The following ESRRG variants were observed in gnomAD, a reference collection of about 807,000 sequenced individuals.
ESRRG encodes estrogen-related receptor gamma.
ESRRG carries 13 observed loss-of-function variants against 44.0 expected under a neutral mutation model. That is an observed-to-expected ratio of 0.30 (90% CI 0.19 to 0.47). ESRRG has a LOEUF of 0.47. Among genes scored for constraint, ESRRG ranks in the 20% least tolerant of loss-of-function variants. The probability of loss-of-function intolerance (pLI) is 1.00; values close to 1 mark genes in which losing one functional copy is unlikely to be tolerated. For missense variants in ESRRG, 395 were observed against 580.6 expected, an observed-to-expected ratio of 0.68 and a Z score of 3.29; for synonymous variants, 215 against 214.6, an observed-to-expected ratio of 1.00 and a Z score of -0.02.
chr1:216,816,246 A>G (rs1314172818), intron 2 of ESRRG, among the ~76,000 whole-genome samples: 1 of 152,220 alleles, frequency 6.6e-6, no homozygotes. Context: ...ATGGGTGTTC[A>G]TTACAAACCG....
At chr1:216,697,375 T>C (rs193180705) in intron 1 of ESRRG, among the ~76,000 whole-genome samples, 228 of 152,350 alleles carry the variant, frequency 1.5e-3, no homozygotes, top group Middle Eastern at 3.4e-3. Context: ...ATTCAATTTG[T>C]GAGATTTGTT....
At chr1:216,632,643 A>T (rs12131827) in intron 3 of ESRRG, among the ~76,000 whole-genome samples, 29,907 of 152,064 alleles carry the variant, frequency 0.2, 3,754 homozygotes, top group Non-Finnish European at 0.29. Flanking sequence ...CAAAATAGAG[A>T]TTTTTGTAAA....
chr1:216,984,047 ATGG>A (rs1420653104), intron 1 of ESRRG, among the ~76,000 whole-genome samples: 64 of 133,970 alleles, frequency 4.8e-4, no homozygotes, highest in African/African-American at 1.2e-3. Flanking sequence ...GATAATAAGA[ATGG>A]GGGGGGGTAT....
At chr1:217,010,010 T>G (rs550845213) in intron 1 of ESRRG, among the ~76,000 whole-genome samples, 1 of 152,204 alleles carries the variant, frequency 6.6e-6, no homozygotes, top group East Asian at 1.9e-4. Flanking sequence ...GGCCTGAGTA[T>G]AGTTTTCAAA....
intron 5 of ESRRG, among the ~76,000 whole-genome samples, chr1:216,523,040 C>T (rs1172451248): frequency 6.6e-6 from 1 of 152,130 alleles, no homozygotes; most frequent in Admixed American, 6.6e-5. Context: ...ATGTTTTGTA[C>T]ATCCTGGGAC....
chr1:217,132,070 A>G (rs1009476679), intron 1 of ESRRG, among the ~76,000 whole-genome samples: 1 of 152,206 alleles, frequency 6.6e-6, no homozygotes, highest in Non-Finnish European at 1.5e-5. Flanking sequence ...GATGTTGGGG[A>G]TCAGAGTGGA....
At chr1:216,641,816 G>A (rs543542162) in intron 3 of ESRRG, among the ~76,000 whole-genome samples, 15 of 152,202 alleles carry the variant, frequency 9.9e-5, no homozygotes, top group Non-Finnish European at 2.1e-4. Context: ...TGAGTGGGAA[G>A]TCACTGTAAA....
chr1:216,515,740 C>T (rs914290569), intron 6 of ESRRG, among the ~76,000 whole-genome samples: 1 of 152,040 alleles, frequency 6.6e-6, no homozygotes. Flanking sequence ...GTGGCAAAGA[C>T]TGTGATGTGA....
chr1:217,120,186 C>A (rs769276090), intron 1 of ESRRG, among the ~76,000 whole-genome samples: 4 of 152,122 alleles, frequency 2.6e-5, no homozygotes, highest in Non-Finnish European at 5.9e-5. Context: ...AGGTTCCATG[C>A]CTCCATGACC....
intron 1 of ESRRG, among the ~76,000 whole-genome samples, chr1:217,084,835 C>A (rs2091982070): frequency 6.6e-6 from 1 of 152,068 alleles, no homozygotes; most frequent in Non-Finnish European, 1.5e-5. Flanking sequence ...CACACTCAAC[C>A]TTTTTTGTGT....
At chr1:216,733,918 G>A (rs1485629103) in intron 2 of ESRRG, among the ~76,000 whole-genome samples, 7 of 151,266 alleles carry the variant, frequency 4.6e-5, no homozygotes, top group Non-Finnish European at 1.0e-4. Context: ...GAACCAGGGA[G>A]GCAGAGGTTG....
chr1:216,751,799 A>G (rs1260964687), intron 2 of ESRRG, among the ~76,000 whole-genome samples: 1 of 150,762 alleles, frequency 6.6e-6, no homozygotes, highest in Non-Finnish European at 1.5e-5. Context: ...TAGACTGTTT[A>G]TCGTATTAGA....
intron 2 of ESRRG, among the ~76,000 whole-genome samples, chr1:216,867,328 T>A (rs1321811205): frequency 6.6e-6 from 1 of 152,182 alleles, no homozygotes; most frequent in Non-Finnish European, 1.5e-5. Flanking sequence ...CCTCTCCTTT[T>A]TACACAGCCA....
intron 2 of ESRRG, among the ~76,000 whole-genome samples, chr1:216,835,746 A>G (rs1049181963): frequency 1.3e-5 from 2 of 152,206 alleles, no homozygotes; most frequent in African/African-American, 4.8e-5. Flanking sequence ...AGTCTCTTAA[A>G]AGAATTACAG....
chr1:216,876,404 A>G (rs923906533), intron 2 of ESRRG, among the ~76,000 whole-genome samples: 4 of 152,206 alleles, frequency 2.6e-5, no homozygotes, highest in African/African-American at 9.6e-5. Context: ...GAAAGTCTCA[A>G]AAGGCCCTAA....
chr1:216,955,347 C>T (rs1292927299), intron 1 of ESRRG, among the ~76,000 whole-genome samples: 1 of 152,182 alleles, frequency 6.6e-6, no homozygotes, highest in Non-Finnish European at 1.5e-5. Flanking sequence ...CAGGTTCATC[C>T]ACATTGCTGT....
intron 1 of ESRRG, among the ~76,000 whole-genome samples, chr1:216,699,423 C>T (rs1047342741): frequency 1.3e-5 from 2 of 151,994 alleles, no homozygotes; most frequent in Non-Finnish European, 2.9e-5. Context: ...AATAACCTGC[C>T]GGCTGGTAAT....
chr1:217,109,004 T>A (rs2092631443), intron 1 of ESRRG, among the ~76,000 whole-genome samples: 1 of 152,088 alleles, frequency 6.6e-6, no homozygotes, highest in South Asian at 2.1e-4. Context: ...TACAACAACA[T>A]CTTTACAACA....
chr1:216,622,637 C>T, intron 3 of ESRRG, among the ~76,000 whole-genome samples: 1 of 152,218 alleles, frequency 6.6e-6, no homozygotes, highest in South Asian at 2.1e-4. Flanking sequence ...CACACACACG[C>T]TTCCCATAAG....
Sources: allele counts gnomAD v4.1 joint callset (sites outside exome capture counted in the v4.1 genomes callset), GRCh38; gene constraint gnomAD v4.1.1; transcripts MANE v1.5; gene names NCBI Gene and HGNC (gene_info 2026-07-23, HGNC 2026-07-21).